The following LRRK1 variants were observed in gnomAD, a reference collection of about 807,000 sequenced individuals.
LRRK1 encodes leucine-rich repeat serine/threonine-protein kinase 1.
A neutral mutation model predicts 209.1 loss-of-function variants in LRRK1; 113 were observed. The observed-to-expected ratio is 0.54, with a 90% CI of 0.46 to 0.63. The LOEUF (loss-of-function observed/expected upper bound fraction) is 0.63. LRRK1 is among the 30% of genes least tolerant of loss of function. The probability of loss-of-function intolerance (pLI) is 0.00; values close to 1 mark genes in which losing one functional copy is unlikely to be tolerated. For missense variants in LRRK1, 2,284 were observed against 2,632.2 expected (o/e 0.87, Z 2.89); for synonymous variants, 1,144 against 1,099.7 (o/e 1.04, Z -0.80).
chr15:100,923,060 T>C (rs1267253601), intron 1 of LRRK1, among the ~76,000 whole-genome samples: 2 of 152,180 alleles, frequency 1.3e-5, no homozygotes, highest in East Asian at 3.8e-4. Flanking sequence ...CCCTCCAGCA[T>C]TGATATTCTG....
chr15:100,939,245 C>G (rs2042358248), intron 2 of LRRK1, among the ~76,000 whole-genome samples: 1 of 152,200 alleles, frequency 6.6e-6, no homozygotes, highest in Non-Finnish European at 1.5e-5. Context: ...TCCTAAGTCT[C>G]TTAATTTCTA....
chr15:100,962,592 CT>C (rs1326279101), intron 2 of LRRK1, among the ~76,000 whole-genome samples: 2 of 151,204 alleles, frequency 1.3e-5, no homozygotes, highest in East Asian at 3.9e-4. Context: ...GGGACGGCTA[CT>C]GTAATTTTTG....
intron 4 of LRRK1, among the ~76,000 whole-genome samples, chr15:100,984,242 A>G (rs577182029): frequency 2.0e-5 from 3 of 152,274 alleles, no homozygotes; most frequent in East Asian, 1.9e-4. Flanking sequence ...CGCCCTCCAC[A>G]TGGTTTTCCC....
Position 101,076,231 on chromosome 15 carries a change from CA to C in LRRK1, c.*7384del. ...TAATACTTTTAGAGGCCCTCAAAATCACAAACTATGCTCAACTCACTCTCTA... is the reference window on the plus strand; with the variant it reads ...TAATACTTTTAGAGGCCCTCAAAATCCAAACTATGCTCAACTCACTCTCTA... On this transcript the variant is annotated 3_prime_UTR_variant, in exon 34 of 34. Coordinates refer to ENST00000388948, the MANE Select transcript of LRRK1 (RefSeq NM_024652.6). The C allele has an allele frequency of 6.6e-6, 1 of 152,324 alleles. No homozygotes were observed. The highest frequency in any genetic ancestry group is 2.1e-4 in the South Asian group (1 of 4,826). 9.4% of individuals were successfully genotyped at this position (152,324 alleles called of 1,614,324 possible).
In LRRK1 at chr15:101,053,278, C is replaced by G. The variant is rs2035583922; in HGVS notation, c.3912C>G (p.Phe1304Leu). The change falls in exon 26 of 34, where the codon TTC (phenylalanine) becomes TTG (leucine). Residue 1304 changes from phenylalanine (F) to leucine (L), a missense_variant. Coordinates refer to ENST00000388948, the MANE Select transcript of LRRK1 (RefSeq NM_024652.6). ...ATDAMKNFSE[F>L]RQEASMLHAL... is the part of the protein sequence containing the mutation. ...ATGCCATGAAGAACTTCTCCGAGTT[C>G]CGGCAGGAGGCCAGCATGCTGCACG... 1.2e-6 allele frequency: 2 copies of G among 1,606,874 alleles called. No individual in the cohort carries two copies. The highest frequency in any genetic ancestry group is 1.7e-6 in the Non-Finnish European group (2 of 1,179,962).
chr15:100,994,501 T>C (rs553753494), intron 6 of LRRK1, among the ~76,000 whole-genome samples: 10 of 152,298 alleles, frequency 6.6e-5, no homozygotes. Context: ...GAAACAGCTG[T>C]TATCTTCTAC....
chr15:100,952,425 C>T (rs1381516580), intron 2 of LRRK1, among the ~76,000 whole-genome samples: 1 of 152,256 alleles, frequency 6.6e-6, no homozygotes, highest in Non-Finnish European at 1.5e-5. Flanking sequence ...CACTCCCAGG[C>T]TAAAAAGGAA....
Position 101,065,756 on chromosome 15 carries a change from C to T in LRRK1, c.5319C>T (p.Ala1773=), listed in dbSNP as rs1208238590. 2.5e-6 allele frequency: 4 copies of T among 1,614,038 alleles called. No homozygotes were observed. The South Asian group carries it at 3.3e-5, about 13-fold the overall frequency. The change falls in exon 32 of 34, where the codon GCC becomes GCT. Residue 1773 remains alanine (A), a synonymous_variant. Transcript: ENST00000388948. The part of the protein sequence containing the change: ...MYHSTTYQLC[A]RYFCGVPSPL... ...ACTCCACCACCTACCAGCTGTGTGC[C>T]CGGTACTTCTGCGGGGTCCCCAGCC... is the stretch of plus-strand genomic sequence containing the variant.
chr15:101,040,016 G>A (rs934717933), intron 20 of LRRK1, among the ~76,000 whole-genome samples: 3 of 152,094 alleles, frequency 2.0e-5, no homozygotes, highest in African/African-American at 7.2e-5. Flanking sequence ...GTTCATGAGG[G>A]ATATTGGTTG....
intron 21 of LRRK1, among the ~76,000 whole-genome samples, chr15:101,046,892 A>G (rs1314105897): frequency 6.6e-6 from 1 of 152,214 alleles, no homozygotes; most frequent in Admixed American, 6.5e-5. Flanking sequence ...GGGCAGGAAC[A>G]TGGAAGCAAC....
rs535657132 is a variant in LRRK1, at chr15:101,072,956, G to T, written c.*4108G>T. ...TGGTGCCGTAACTGGCGCGGGGGGA[G>T]GGGGGGGGGAACCTCCCTTGGGAGA... On this transcript the variant is annotated 3_prime_UTR_variant, in exon 34 of 34. Coordinates refer to ENST00000388948, the MANE Select transcript of LRRK1 (RefSeq NM_024652.6). The T allele has an allele frequency of 0.029, 1,179 of 40,576 alleles. 12 individuals carry two copies. The highest frequency in any genetic ancestry group is 0.18 in the South Asian group (193 of 1,056). 2.5% of individuals were successfully genotyped at this position (40,576 alleles called of 1,614,324 possible).
At chr15:100,974,000 G>T in intron 3 of LRRK1, 33 bp downstream of exon 3, 1 of 1,243,246 alleles carries the variant, frequency 8.0e-7, no homozygotes. Flanking sequence ...GGCCACCCAT[G>T]CAGCCCCGGG....
Position 101,065,864 on chromosome 15 carries a change from G to T in LRRK1, c.5427G>T (p.Glu1809Asp). Residue 1809 changes from glutamate to aspartate, a missense_variant, in exon 32 of 34, where the codon GAG becomes GAT. Glu to Asp is a conservative substitution (Grantham distance 45). This residue lies in a region of LRRK1 where 643 missense variants were observed against 695.9 expected (regional missense o/e 0.92). Coordinates refer to ENST00000388948, the MANE Select transcript of LRRK1 (RefSeq NM_024652.6). Reference sequence around the variant, plus strand: ...ACACGGCCAACCCAAAGGTGCCTGAGGGGGACTCCATCGCGGACGTGAGCA... The same window carrying T: ...ACACGGCCAACCCAAAGGTGCCTGATGGGGACTCCATCGCGGACGTGAGCA... ...ASHTANPKVP[E>D]GDSIADVSIM... The T allele has an allele frequency of 6.2e-7, 1 of 1,614,134 alleles. No homozygotes were observed. The highest frequency in any genetic ancestry group is 8.5e-7 in the Non-Finnish European group (1 of 1,180,026).
At chr15:101,052,842 C>T (rs1210715597) in intron 24 of LRRK1, 80 bp from the exon 25 acceptor site, 23 of 1,487,944 alleles carry the variant, frequency 1.5e-5, no homozygotes, top group East Asian at 2.3e-5. Flanking sequence ...GACTCTCGGC[C>T]GTTGGGGCAA....
At chr15:101,058,292 G>A in intron 29 of LRRK1, 151 bp downstream of exon 29, 1 of 762,054 alleles carries the variant, frequency 1.3e-6, no homozygotes, top group Non-Finnish European at 2.1e-6. Context: ...AGAAAGAGCA[G>A]GGAGAGCAGA....
chr15:101,057,688 G>A (rs563682259), intron 28 of LRRK1, among the ~76,000 whole-genome samples: 2 of 152,206 alleles, frequency 1.3e-5, no homozygotes, highest in South Asian at 2.1e-4. Context: ...AGTAGGTTCT[G>A]CACTCCAGCT....
chr15:100,937,188 A>G (rs1389406064), intron 2 of LRRK1, among the ~76,000 whole-genome samples: 1 of 152,204 alleles, frequency 6.6e-6, no homozygotes, highest in African/African-American at 2.4e-5. Flanking sequence ...GAAGTTGATA[A>G]TGGTTCAGGA....
intron 20 of LRRK1, among the ~76,000 whole-genome samples, chr15:101,032,263 C>T (rs2034315635): frequency 6.6e-6 from 1 of 151,888 alleles, no homozygotes; most frequent in African/African-American, 2.4e-5. Flanking sequence ...ATATGTACTT[C>T]TTTATATCTT....
intron 2 of LRRK1, among the ~76,000 whole-genome samples, chr15:100,942,343 T>C (rs1463182507): frequency 6.6e-6 from 1 of 152,174 alleles, no homozygotes; most frequent in Non-Finnish European, 1.5e-5. Flanking sequence ...TCAAAAAAAA[T>C]GGCCTGTTCT....
Sources: allele counts gnomAD v4.1 joint callset (sites outside exome capture counted in the v4.1 genomes callset), GRCh38; gene constraint gnomAD v4.1.1; regional missense constraint gnomAD v4.1.1; transcripts MANE v1.5; gene names NCBI Gene and HGNC (gene_info 2026-07-23, HGNC 2026-07-21).